The following RBFOX1 variants were observed in gnomAD, a reference collection of about 807,000 sequenced individuals.
The protein encoded by RBFOX1 is RNA binding protein fox-1 homolog 1.
Under a neutral mutation model 57.7 loss-of-function variants are expected in RBFOX1, and 8 were observed. The observed-to-expected ratio is 0.14, with a 90% CI of 0.08 to 0.25. RBFOX1 has a LOEUF of 0.25. Among genes scored for constraint, RBFOX1 ranks in the 10% least tolerant of loss-of-function variants. The pLI is 1.00. For synonymous variants in RBFOX1, 326 were observed against 222.4 expected (o/e 1.47, Z -4.15); for missense variants, 611 against 548.5 (o/e 1.11, Z -1.14).
intron 2 of RBFOX1, among the ~76,000 whole-genome samples, chr16:6,638,557 C>T (rs2098462736): frequency 6.6e-6 from 1 of 152,094 alleles, no homozygotes. Context: ...GCAGTGGAAG[C>T]AAAACCAAGA....
intron 3 of RBFOX1, among the ~76,000 whole-genome samples, chr16:6,715,913 A>C (rs1410358514): frequency 2.0e-5 from 3 of 152,218 alleles, no homozygotes; most frequent in African/African-American, 7.2e-5. Flanking sequence ...TTACAGCCTC[A>C]TACCCTGCTT....
At chr16:7,051,790 G>C (rs1212474316) in intron 3 of RBFOX1, among the ~76,000 whole-genome samples, 1 of 152,120 alleles carries the variant, frequency 6.6e-6, no homozygotes, top group East Asian at 1.9e-4. Context: ...CCTCATCCCA[G>C]GCAGATGCTG....
intron 3 of RBFOX1, among the ~76,000 whole-genome samples, chr16:6,852,796 A>G (rs1182793623): frequency 6.6e-6 from 1 of 151,742 alleles, no homozygotes; most frequent in African/African-American, 2.4e-5. Flanking sequence ...GCTGGGAACT[A>G]GCTGTCCAGG....
chr16:5,350,057 G>A (rs1184788659), intron 1 of RBFOX1, among the ~76,000 whole-genome samples: 1 of 152,240 alleles, frequency 6.6e-6, no homozygotes, highest in Non-Finnish European at 1.5e-5. Context: ...GCGCTTGCGT[G>A]AGAGGAAATG....
intron 1 of RBFOX1, 101 bp downstream of exon 1, chr16:6,020,093 C>G (rs1057435406): frequency 1.6e-6 from 2 of 1,269,066 alleles, no homozygotes; most frequent in Non-Finnish European, 2.0e-6. Context: ...GAGAACTGGC[C>G]TCCTCCTAGC....
intron 3 of RBFOX1, among the ~76,000 whole-genome samples, chr16:6,879,030 T>A (rs1402369647): frequency 6.6e-6 from 1 of 152,160 alleles, no homozygotes; most frequent in Non-Finnish European, 1.5e-5. Context: ...ACTAAACCAT[T>A]TGACCACACG....
chr16:6,780,009 ATATATATT>A lies in RBFOX1; in HGVS notation c.-16+125375_-16+125382del, dbSNP rs1567211357. The stretch of plus-strand genomic sequence containing the variant: ...TATATTTATATATTTATATATATTT[ATATATATT>A]TATATATTTATATATATTTATATAT... On this transcript the variant is annotated intron_variant, in intron 3 of 15. Coordinates refer to ENST00000550418, the MANE Select transcript of RBFOX1 (RefSeq NM_018723.4). Among the ~76,000 whole-genome samples, 7 of 25,942 alleles carry A rather than the reference ATATATATT, an allele frequency of 2.7e-4. 1 individual carries two copies. The highest frequency in any genetic ancestry group is 3.6e-4 in the Non-Finnish European group (6 of 16,696). The allele number at this position is 25,942 out of a possible 152,430, so 17.0% of individuals were successfully genotyped here.
At chr16:6,656,436 C>G (rs2098652413) in intron 3 of RBFOX1, among the ~76,000 whole-genome samples, 1 of 152,144 alleles carries the variant, frequency 6.6e-6, no homozygotes, top group Non-Finnish European at 1.5e-5. Flanking sequence ...GAGAGTCACC[C>G]AAGCTCCACT....
At chr16:7,654,070 A>G (rs1346008008) in intron 12 of RBFOX1, 123 bp downstream of exon 12, 10 of 1,034,196 alleles carry the variant, frequency 9.7e-6, no homozygotes, top group Non-Finnish European at 9.4e-6. Flanking sequence ...AACCGCCCCC[A>G]GCATGCAGCC....
intron 4 of RBFOX1, among the ~76,000 whole-genome samples, chr16:7,169,798 A>G (rs977986814): frequency 4.9e-5 from 7 of 142,200 alleles, no homozygotes; most frequent in African/African-American, 1.9e-4. Context: ...TGCAGGGTGC[A>G]GTGGCTCATG....
At chr16:5,268,241 T>C (rs2062912141) in intron 1 of RBFOX1, among the ~76,000 whole-genome samples, 1 of 152,250 alleles carries the variant, frequency 6.6e-6, no homozygotes, top group Admixed American at 6.5e-5. Context: ...GAAAATGTTT[T>C]GTGCTTCGTA....
intron 4 of RBFOX1, among the ~76,000 whole-genome samples, chr16:5,966,815 G>C (rs2059852776): frequency 6.6e-6 from 1 of 151,940 alleles, no homozygotes; most frequent in Non-Finnish European, 1.5e-5. Context: ...TTTGGGTAGG[G>C]GGGCAGATCC....
intron 14 of RBFOX1, among the ~76,000 whole-genome samples, chr16:7,707,520 A>G (rs1161453014): frequency 6.6e-6 from 1 of 152,150 alleles, no homozygotes; most frequent in African/African-American, 2.4e-5. Flanking sequence ...CATTCAGGAA[A>G]TGGTCAAAGA....
Position 6,864,125 on chromosome 16 carries a change from C to G in RBFOX1, c.-15-187932C>G, listed in dbSNP as rs1021536139. Among the ~76,000 whole-genome samples the G allele has an allele frequency of 1.4e-4, 21 of 151,908 alleles. 1 individual carries two copies. Among genetic ancestry groups the G allele is most frequent in the Non-Finnish European group, 1.0e-4 (7 of 67,990 alleles). On this transcript the variant is annotated intron_variant, in intron 3 of 15. Transcript: ENST00000550418. The stretch of plus-strand genomic sequence containing the variant: ...GACAAAGAAGAAAGCGAAGGAGTCT[C>G]TTTAGCAGGAAGAAGGAGGGGTCAT...
At chr16:5,895,230 G>C (rs2058137205) in intron 4 of RBFOX1, among the ~76,000 whole-genome samples, 1 of 152,202 alleles carries the variant, frequency 6.6e-6, no homozygotes, top group South Asian at 2.1e-4. Context: ...ACTTAGTTGA[G>C]GCAGTTTCAT....
intron 2 of RBFOX1, among the ~76,000 whole-genome samples, chr16:6,628,464 C>G (rs781766550): frequency 1.3e-5 from 2 of 152,130 alleles, no homozygotes; most frequent in Non-Finnish European, 2.9e-5. Context: ...TCATAATATA[C>G]TATATACCCA....
intron 3 of RBFOX1, among the ~76,000 whole-genome samples, chr16:5,825,258 G>T (rs2055995723): frequency 6.6e-6 from 1 of 152,238 alleles, no homozygotes; most frequent in African/African-American, 2.4e-5. Context: ...GTTGGGGAAG[G>T]AATGAGCAGT....
intron 4 of RBFOX1, among the ~76,000 whole-genome samples, chr16:7,273,256 T>TC (rs1567986242): frequency 1.5e-5 from 2 of 135,116 alleles, no homozygotes; most frequent in African/African-American, 5.8e-5. Context: ...CTTCCTTCCT[T>TC]CCTTCCTCCC....
intron 4 of RBFOX1, among the ~76,000 whole-genome samples, chr16:7,264,636 C>G (rs550017772): frequency 1.3e-5 from 2 of 152,274 alleles, no homozygotes; most frequent in Admixed American, 6.5e-5. Context: ...TTTATGGACA[C>G]TGGAATTTGC....
Sources: gnomAD v4.1 joint callset for allele counts (sites outside exome capture counted in the v4.1 genomes callset) on GRCh38, gnomAD v4.1.1 for gene constraint, MANE v1.5 for transcripts, NCBI Gene and HGNC (gene_info 2026-07-23, HGNC 2026-07-21) for gene names.